Variants in PCDHGA9 observed in about 807,000 individuals in gnomAD.
PCDHGA9 encodes protocadherin gamma subfamily A, 9, also known as protocadherin gamma-A9.
PCDHGA9 carries 37 observed loss-of-function variants against 62.5 expected under a neutral mutation model. The ratio of observed to expected loss-of-function variants is 0.59; its 90% CI spans 0.46 to 0.78. The LOEUF is 0.78. PCDHGA9 is among the 30% of genes least tolerant of loss of function. The pLI is 0.00. For missense variants in PCDHGA9, 1,138 were observed against 1,166.2 expected, an observed-to-expected ratio of 0.98 and a Z score of 0.35; for synonymous variants, 459 against 484.6, an observed-to-expected ratio of 0.95 and a Z score of 0.69.
chr5:141,435,737 T>C (rs944951200), intron 1 of PCDHGA9, among the ~76,000 whole-genome samples: 1 of 152,202 alleles, frequency 6.6e-6, no homozygotes, highest in Non-Finnish European at 1.5e-5. Context: ...TATTACTCTT[T>C]GAAAAGCATT....
At chr5:141,506,668 C>A (rs2099855518) in intron 3 of PCDHGA9, among the ~76,000 whole-genome samples, 1 of 152,100 alleles carries the variant, frequency 6.6e-6, no homozygotes, top group Admixed American at 6.6e-5. Context: ...AGTAAGGGCA[C>A]AATATATTAT....
At position 141,477,401 on chromosome 5, in the gene PCDHGA9, G is replaced by T. The variant is rs781253466; in HGVS notation, c.2425-17406G>T. On this transcript the variant is annotated intron_variant, in intron 1 of 3. Coordinates refer to ENST00000573521, the MANE Select transcript of PCDHGA9 (RefSeq NM_018921.3). The surrounding 1 kb of genome is among the most constrained non-coding windows in gnomAD (Gnocchi z 4.9). ...GCCAGAATACAACCTCAGCATCACC[G>T]CCCGAGACGCCGGAACCCCTTCCCT... 8 of 1,613,960 alleles carry T rather than the reference G, an allele frequency of 5.0e-6. No homozygotes were observed. The highest frequency in any genetic ancestry group is 4.5e-5 in the East Asian group (2 of 44,890).
At chr5:141,428,312 C>A in intron 1 of PCDHGA9, 1 of 671,484 alleles carries the variant, frequency 1.5e-6, no homozygotes, top group Non-Finnish European at 2.7e-6. Flanking sequence ...CTGGTCGTGG[C>A]CTTGGCCTTG....
In PCDHGA9 at chr5:141,477,595, T is replaced by C. The variant is rs1289890776; in HGVS notation, c.2425-17212T>C. The C allele has an allele frequency of 6.2e-7, 1 of 1,614,176 alleles. No individual in the cohort carries two copies. Among genetic ancestry groups the C allele is most frequent in the Non-Finnish European group, 8.5e-7 (1 of 1,180,032 alleles). ...ACGCCCCGCAGAATGCTCGGCTTTC[T>C]TTCTTTCTCTTGGAGCAAGGAGCTG... On this transcript the variant is annotated intron_variant, in intron 1 of 3. Coordinates refer to ENST00000573521, the MANE Select transcript of PCDHGA9 (RefSeq NM_018921.3). This position sits in a 1 kb window ranked among gnomAD's most constrained non-coding sequence, Gnocchi z 4.9.
At chr5:141,427,780 T>C (rs2097069858) in intron 1 of PCDHGA9, 1 of 1,456,004 alleles carries the variant, frequency 6.9e-7, no homozygotes. Flanking sequence ...CTGCGGGCAC[T>C]GTCGTCCTAC....
chr5:141,438,627 TATATATATACACAC>T (rs1407400493), intron 1 of PCDHGA9, among the ~76,000 whole-genome samples: 2,053 of 47,724 alleles, frequency 0.043, 22 homozygotes, highest in African/African-American at 0.13. Context: ...TATATATATA[TATATATATACACAC>T]ACACACACAC....
chr5:141,433,802 A>G (rs2097651656), intron 1 of PCDHGA9, among the ~76,000 whole-genome samples: 1 of 149,280 alleles, frequency 6.7e-6, no homozygotes, highest in Non-Finnish European at 1.5e-5. Flanking sequence ...GTGCCATTGC[A>G]CTCCAGCCTG....
chr5:141,478,668 T>G (rs1411369994), intron 1 of PCDHGA9: 40 of 1,551,660 alleles, frequency 2.6e-5, no homozygotes, highest in Non-Finnish European at 3.4e-5. Flanking sequence ...CATTCACACT[T>G]TCAACTGGCC....
At position 141,404,795 on chromosome 5, in the gene PCDHGA9, G is replaced by C. The variant is rs769293241; in HGVS notation, c.1843G>C (p.Gly615Arg). ...SYRLFKASEP[G>R]LFSVGLHTGE... ...CCGCCTATTCAAGGCCAGTGAGCCA[G>C]GGCTCTTCTCGGTGGGGCTGCACAC... Residue 615 changes from glycine to arginine, a missense_variant, in exon 1 of 4, where the codon GGG becomes CGG. Gly to Arg is a moderately radical substitution (Grantham distance 125). Transcript: ENST00000573521. The C allele has an allele frequency of 2.5e-6, 4 of 1,614,042 alleles. No homozygotes were observed. Among genetic ancestry groups the C allele is most frequent in the Admixed American group, 1.7e-5 (1 of 60,026 alleles).
chr5:141,505,704 G>A (rs770933428), intron 3 of PCDHGA9, among the ~76,000 whole-genome samples: 1 of 152,184 alleles, frequency 6.6e-6, no homozygotes, highest in Non-Finnish European at 1.5e-5. Context: ...GAGCGAACAA[G>A]GAAAAGACTC....
intron 1 of PCDHGA9, among the ~76,000 whole-genome samples, chr5:141,407,771 A>G (rs1414886829): frequency 6.6e-6 from 1 of 152,246 alleles, no homozygotes; most frequent in East Asian, 1.9e-4. Context: ...GAAATTGTGC[A>G]TAATAGATTT....
In PCDHGA9 at chr5:141,487,260, C is replaced by T; in HGVS notation, c.2425-7547C>T. 6.2e-7 allele frequency: 1 copy of T among 1,614,116 alleles called. No homozygotes were observed. The highest frequency in any genetic ancestry group is 1.1e-5 in the South Asian group (1 of 91,080). On this transcript the variant is annotated intron_variant, in intron 1 of 3. Coordinates refer to ENST00000573521, the MANE Select transcript of PCDHGA9 (RefSeq NM_018921.3). The surrounding 1 kb of genome is among the most constrained non-coding windows in gnomAD (Gnocchi z 5.0). ...CGTCTAACCCTCTACTTGGCTGTGT[C>T]CCTAGTGGCAATTTGCTTTGTCTCC...
chr5:141,490,846 G>T lies in PCDHGA9; in HGVS notation c.2425-3961G>T. 1 of 1,613,880 alleles carries T rather than the reference G, an allele frequency of 6.2e-7. No individual in the cohort carries two copies. Among genetic ancestry groups the T allele is most frequent in the Non-Finnish European group, 8.5e-7 (1 of 1,179,906 alleles). ...GCAGATGCTGCAGATTGTGGTGGGG[G>T]TTCGAGACTCCGGCTCTCCCCCATT... On this transcript the variant is annotated intron_variant, in intron 1 of 3. Coordinates refer to ENST00000573521, the MANE Select transcript of PCDHGA9 (RefSeq NM_018921.3). This position sits in a 1 kb window ranked among gnomAD's most constrained non-coding sequence, Gnocchi z 5.4.
intron 1 of PCDHGA9, among the ~76,000 whole-genome samples, chr5:141,481,994 A>AG (rs2099550091): frequency 1.3e-5 from 2 of 151,258 alleles, no homozygotes; most frequent in African/African-American, 4.9e-5. Context: ...TTGAAGCAGG[A>AG]GAATCGCTTT....
Position 141,432,016 on chromosome 5 carries a change from C to T in PCDHGA9, c.2424+26640C>T, listed in dbSNP as rs771650925. The T allele has an allele frequency of 1.2e-6, 2 of 1,614,202 alleles. No homozygotes were observed. The highest frequency in any genetic ancestry group is 3.3e-5 in the Admixed American group (2 of 60,030). On this transcript the variant is annotated intron_variant, in intron 1 of 3. Coordinates refer to ENST00000573521, the MANE Select transcript of PCDHGA9 (RefSeq NM_018921.3). This position sits in a 1 kb window ranked among gnomAD's most constrained non-coding sequence, Gnocchi z 6.0. ...ATAGGGAACAGGTTCCTAGCTACAA[C>T]ATCACAGTGACCGCCACTGACCGGG...
At position 141,491,514 on chromosome 5, in the gene PCDHGA9, G is replaced by A. The variant is rs753335815; in HGVS notation, c.2425-3293G>A. ...AGGTGAGCTCGGACGGCACGCTCAAGTACATGGAGGTGACGCTGCGGCCCA... is the reference window on the plus strand; with the variant it reads ...AGGTGAGCTCGGACGGCACGCTCAAATACATGGAGGTGACGCTGCGGCCCA... On this transcript the variant is annotated intron_variant, in intron 1 of 3. Coordinates refer to ENST00000573521, the MANE Select transcript of PCDHGA9 (RefSeq NM_018921.3). The surrounding 1 kb of genome is among the most constrained non-coding windows in gnomAD (Gnocchi z 6.9). 2 of 1,613,964 alleles carry A rather than the reference G, an allele frequency of 1.2e-6. No individual in the cohort carries two copies. Among genetic ancestry groups the A allele is most frequent in the East Asian group, 2.2e-5 (1 of 44,892 alleles).
chr5:141,432,071 AT>A lies in PCDHGA9; in HGVS notation c.2424+26696del. 1 of 1,614,158 alleles carries A rather than the reference AT, an allele frequency of 6.2e-7. No individual in the cohort carries two copies. Among genetic ancestry groups the A allele is most frequent in the Non-Finnish European group, 8.5e-7 (1 of 1,180,032 alleles). ...CCCGCCCCTATCCACGGAAACTCAT[AT>A]CTCGCTGAACGTGGCAGACACCAAC... On this transcript the variant is annotated intron_variant, in intron 1 of 3. Transcript: ENST00000573521. The surrounding 1 kb of genome is among the most constrained non-coding windows in gnomAD (Gnocchi z 6.0).
intron 1 of PCDHGA9, chr5:141,423,068 A>T: frequency 6.2e-7 from 1 of 1,614,090 alleles, no homozygotes; most frequent in Non-Finnish European, 8.5e-7. Context: ...AAGGCCAGCG[A>T]GCCGGGACTC....
intron 1 of PCDHGA9, among the ~76,000 whole-genome samples, chr5:141,457,836 C>T (rs1418402508): frequency 6.6e-6 from 1 of 152,202 alleles, no homozygotes; most frequent in African/African-American, 2.4e-5. Context: ...GCTTCCAGAC[C>T]TGTTAGAAAG....
Sources: allele counts gnomAD v4.1 joint callset (sites outside exome capture counted in the v4.1 genomes callset), GRCh38; gene constraint gnomAD v4.1.1; non-coding constraint Gnocchi (gnomAD v3.1); transcripts MANE v1.5; gene names NCBI Gene and HGNC (gene_info 2026-07-23, HGNC 2026-07-21).